The following TFAP2A variants were observed in gnomAD, a reference collection of about 807,000 sequenced individuals.
The protein encoded by TFAP2A is transcription factor AP-2-alpha.
In TFAP2A, 7 loss-of-function variants were observed where a neutral mutation model predicts 41.5. That is an observed-to-expected ratio of 0.17 (90% CI 0.10 to 0.32). The LOEUF is 0.32. Among genes scored for constraint, TFAP2A ranks in the 10% least tolerant of loss-of-function variants. TFAP2A has a pLI of 1.00. For missense variants in TFAP2A, 416 were observed against 563.3 expected, an observed-to-expected ratio of 0.74 and a Z score of 2.65; for synonymous variants, 247 against 242.8, an observed-to-expected ratio of 1.02 and a Z score of -0.16.
chr6:10,412,412 G>A (rs1326002833), intron 1 of TFAP2A: 2 of 346,668 alleles, frequency 5.8e-6, no homozygotes, highest in South Asian at 1.0e-4. Flanking sequence ...GAGGAGCCCC[G>A]GGTGGGGAGA....
intron 3 of TFAP2A, chr6:10,404,990 G>C (rs937401236): frequency 5.2e-6 from 3 of 581,782 alleles, no homozygotes; most frequent in Admixed American, 6.0e-5. Context: ...TTTCTGCCTT[G>C]ACCCTTTCCC....
chr6:10,403,204 G>A (rs1452782431), intron 4 of TFAP2A, among the ~76,000 whole-genome samples: 1 of 152,252 alleles, frequency 6.6e-6, no homozygotes. Flanking sequence ...CTAAACAGAT[G>A]TCTAAATAGA....
Position 10,397,327 on chromosome 6 carries a change from A to C in TFAP2A, c.*1090T>G, listed in dbSNP as rs2857060. On this transcript the variant is annotated 3_prime_UTR_variant, in exon 7 of 7. Transcript: ENST00000379613. ...TTAAGGGAGGACAGTGGAATAAAAT[A>C]AACTTTTTTTTTTCTCCCTACAATA... is the stretch of plus-strand genomic sequence containing the variant. 1 of 152,200 alleles carries C rather than the reference A, an allele frequency of 6.6e-6. No individual in the cohort carries two copies. Among genetic ancestry groups the C allele is most frequent in the African/African-American group, 2.4e-5 (1 of 41,456 alleles). The allele number at this position is 152,200 out of a possible 1,614,324, so 9.4% of individuals were successfully genotyped here.
upstream of TFAP2A, chr6:10,416,245 A>G (rs1331653751): frequency 2.6e-5 from 4 of 152,066 alleles, no homozygotes; most frequent in Non-Finnish European, 5.9e-5. Context: ...TTCCTTCATG[A>G]TTTGGTGATG....
intron 2 of TFAP2A, chr6:10,407,557 A>C: frequency 6.7e-6 from 1 of 150,094 alleles, no homozygotes; most frequent in East Asian, 1.9e-4. Context: ...TAGAGTCAAA[A>C]CGTGATTAGA....
At position 10,409,978 on chromosome 6, in the gene TFAP2A, G is replaced by A. The variant is rs1757883501; in HGVS notation, c.409C>T (p.His137Tyr). 3 of 1,593,774 alleles carry A rather than the reference G, an allele frequency of 1.9e-6. No individual in the cohort carries two copies. Among genetic ancestry groups the A allele is most frequent in the South Asian group, 1.1e-5 (1 of 88,980 alleles). ...CCTGAGCTGAGCGCGTGTGGGCCGT[G>A]CAGGAGGTCCTCGTGCCGCCTGTAG... ...RDYRRHEDLLHGPHALSSGLG... is the reference protein window; with the variant it reads ...RDYRRHEDLLYGPHALSSGLG... Residue 137 changes from histidine (H) to tyrosine (Y), a missense_variant, in exon 2 of 7, where the codon CAC (histidine) becomes TAC (tyrosine). By Grantham distance (83) the His-to-Tyr change is moderately conservative (BLOSUM62 2). Coordinates refer to ENST00000379613, the MANE Select transcript of TFAP2A (RefSeq NM_001372066.1).
Position 10,415,041 on chromosome 6 carries a change from C to T in TFAP2A, c.-50G>A. On this transcript the variant is annotated 5_prime_UTR_variant, in exon 1 of 7. Coordinates refer to ENST00000379613, the MANE Select transcript of TFAP2A (RefSeq NM_001372066.1). ...CTCTCGGTCTCGCACCCAAGTGGAG[C>T]TACTCTCTGGGTGAGCGCAAAGTGC... 2 of 1,614,060 alleles carry T rather than the reference C, an allele frequency of 1.2e-6. No homozygotes were observed. Among genetic ancestry groups the T allele is most frequent in the Non-Finnish European group, 1.7e-6 (2 of 1,179,988 alleles).
Position 10,410,189 on chromosome 6 carries a change from A to G in TFAP2A, c.198T>C (p.Pro66=), listed in dbSNP as rs1396508200. 1.1e-6 allele frequency: 1 copy of G among 940,020 alleles called. No homozygotes were observed. The highest frequency in any genetic ancestry group is 2.7e-5 in the African/African-American group (1 of 37,086). The allele number at this position is 940,020 out of a possible 1,614,324, so 58.2% of individuals were successfully genotyped here. The change falls in exon 2 of 7, where the codon CCT becomes CCC. Residue 66 remains proline, a synonymous_variant. Transcript: ENST00000379613. ...AAGGATCTTGCGACTGGGGGTAGAT[A>G]GGCTGGTAGGGTGGGGGGAAGTATG... is the stretch of plus-strand genomic sequence containing the variant. ...QPPYFPPPYQ[P]IYPQSQDPYS... is the part of the protein sequence containing the mutation.
At chr6:10,411,895 G>T in intron 1 of TFAP2A, 1 of 1,287,390 alleles carries the variant, frequency 7.8e-7, no homozygotes, top group South Asian at 1.6e-5. Context: ...AAAGGAAAAA[G>T]GAAAAAGTAT....
At chr6:10,418,678 C>T (rs1758326731), upstream of TFAP2A, 1 of 152,442 alleles carries the variant, frequency 6.6e-6, no homozygotes, top group Non-Finnish European at 1.5e-5. Flanking sequence ...CTTGTGGTGT[C>T]CGCGGCCTAG....
At chr6:10,411,622 C>A in intron 1 of TFAP2A, 1 of 1,613,802 alleles carries the variant, frequency 6.2e-7, no homozygotes. Flanking sequence ...GGTAACGAGT[C>A]AGGGTGGAAA....
At chr6:10,409,846 GGGTA>G in intron 2 of TFAP2A, 51 bp downstream of exon 2, 1 of 1,535,138 alleles carries the variant, frequency 6.5e-7, no homozygotes, top group Non-Finnish European at 8.8e-7. Context: ...ATCCTTTCTG[GGGTA>G]GGTAAGTAGG....
Position 10,404,748 on chromosome 6 carries a change from A to C in TFAP2A, c.539-9T>G. On this transcript the variant is annotated splice_polypyrimidine_tract_variant and intron_variant, in intron 3 of 6. Coordinates refer to ENST00000379613, the MANE Select transcript of TFAP2A (RefSeq NM_001372066.1). Reference sequence around the variant, plus strand: ...GGACAGGGACACGGGGCCTGCGGAGACAGAGGGGAGGCCGCGTGTTGGGCG... The same window carrying C: ...GGACAGGGACACGGGGCCTGCGGAGCCAGAGGGGAGGCCGCGTGTTGGGCG... 1 of 1,612,716 alleles carries C rather than the reference A, an allele frequency of 6.2e-7. No homozygotes were observed. Among genetic ancestry groups the C allele is most frequent in the Non-Finnish European group, 8.5e-7 (1 of 1,178,742 alleles).
At chr6:10,405,022 C>T in intron 3 of TFAP2A, 1 of 522,718 alleles carries the variant, frequency 1.9e-6, no homozygotes, top group Non-Finnish European at 3.5e-6. Context: ...AGGGTGCTCT[C>T]TAGAGATGGG....
At position 10,397,963 on chromosome 6, in the gene TFAP2A, G is replaced by C; in HGVS notation, c.*454C>G. On this transcript the variant is annotated 3_prime_UTR_variant, in exon 7 of 7. Transcript: ENST00000379613. Reference sequence around the variant, plus strand: ...CTACAATCTGAACTGAAGTATGTAAGGGAAGGTGGTGACTCAGTCCCATGA... The same window carrying C: ...CTACAATCTGAACTGAAGTATGTAACGGAAGGTGGTGACTCAGTCCCATGA... 9.8e-7 allele frequency: 1 copy of C among 1,016,790 alleles called. No individual in the cohort carries two copies. Among genetic ancestry groups the C allele is most frequent in the Non-Finnish European group, 1.2e-6 (1 of 849,552 alleles). The allele number at this position is 1,016,790 out of a possible 1,614,324, so 63.0% of individuals were successfully genotyped here. A position where few individuals can be genotyped will look rare whatever the true frequency, so the allele number is the denominator to read the frequency against.
chr6:10,408,183 C>G (rs939416459), intron 2 of TFAP2A, among the ~76,000 whole-genome samples: 2 of 152,150 alleles, frequency 1.3e-5, no homozygotes, highest in African/African-American at 2.4e-5. Flanking sequence ...TTAACTGTTG[C>G]AGCAATGGGA....
intron 4 of TFAP2A, 32 bp downstream of exon 4, chr6:10,404,471 CGCGGG>C (rs564179777): frequency 1.4e-6 from 2 of 1,450,060 alleles, no homozygotes; most frequent in African/African-American, 1.5e-5. Context: ...TTCCCCCGGC[CGCGGG>C]GCGGGGCGGG....
At position 10,409,934 on chromosome 6, in the gene TFAP2A, G is replaced by C; in HGVS notation, c.453C>G (p.Ile151Met). Residue 151 changes from isoleucine (I) to methionine (M), a missense_variant, in exon 2 of 7, where the codon ATC becomes ATG. By Grantham distance (10) the Ile-to-Met change is conservative. This residue lies in a region of TFAP2A where 241 missense variants were observed against 274.1 expected (regional missense o/e 0.88). Transcript: ENST00000379613. Reference sequence around the variant, plus strand: ...CCTCGATGGCGTGAGGTAAGGAGTGGATCGAGAGGTCTCCGAGTCCTGAGC... The same window carrying C: ...CCTCGATGGCGTGAGGTAAGGAGTGCATCGAGAGGTCTCCGAGTCCTGAGC... ...ALSSGLGDLS[I>M]HSLPHAIEEV... 6.4e-7 allele frequency: 1 copy of C among 1,555,844 alleles called. No individual in the cohort carries two copies. Among genetic ancestry groups the C allele is most frequent in the East Asian group, 2.4e-5 (1 of 41,104 alleles).
In TFAP2A at chr6:10,398,113, A is replaced by T; in HGVS notation, c.*304T>A. 1 of 1,274,644 alleles carries T rather than the reference A, an allele frequency of 7.8e-7. No homozygotes were observed. 79.0% of individuals were successfully genotyped at this position (1,274,644 alleles called of 1,614,324 possible). A position where few individuals can be genotyped will look rare whatever the true frequency, so the allele number is the denominator to read the frequency against. On this transcript the variant is annotated 3_prime_UTR_variant, in exon 7 of 7. Transcript: ENST00000379613. This position sits in a 1 kb window ranked among gnomAD's most constrained non-coding sequence, Gnocchi z 5.3. ...AAAAAAGGGTTCACAAACTTGGCAG[A>T]ACTTTTCTCTGCTGGCTTCACGGCC...
Sources: gnomAD v4.1 joint callset for allele counts (sites outside exome capture counted in the v4.1 genomes callset) on GRCh38, gnomAD v4.1.1 for gene constraint, gnomAD v4.1.1 regional missense constraint, Gnocchi (gnomAD v3.1) non-coding constraint, MANE v1.5 for transcripts, NCBI Gene and HGNC (gene_info 2026-07-23, HGNC 2026-07-21) for gene names.